The following CRADD variants were observed in gnomAD, a reference collection of about 807,000 sequenced individuals.
CRADD encodes the protein death domain-containing protein CRADD.
In CRADD, 9 loss-of-function variants were observed where a neutral mutation model predicts 15.5. That is an observed-to-expected ratio of 0.58 (90% confidence interval 0.35 to 1.01). The LOEUF (loss-of-function observed/expected upper bound fraction) is 1.01. CRADD is among the 50% of genes least tolerant of loss of function. The pLI is 0.02. For missense variants in CRADD, 227 were observed against 250.3 expected (o/e 0.91, Z 0.63); for synonymous variants, 118 against 107.6 (o/e 1.10, Z -0.60).
chr12:93,785,495 T>C (rs1338673653), intron 2 of CRADD, among the ~76,000 whole-genome samples: 8 of 152,296 alleles, frequency 5.3e-5, no homozygotes, highest in African/African-American at 1.9e-4. Context: ...GCTTCCTTTG[T>C]AGCTTCTTTT....
At chr12:93,880,362 C>A (rs1958488425) in intron 2 of CRADD, among the ~76,000 whole-genome samples, 1 of 152,028 alleles carries the variant, frequency 6.6e-6, no homozygotes, top group Non-Finnish European at 1.5e-5. Context: ...TCATTTCCAC[C>A]CCCAAAGGAA....
chr12:93,719,628 G>T (rs897619044), intron 2 of CRADD, among the ~76,000 whole-genome samples: 9 of 152,158 alleles, frequency 5.9e-5, no homozygotes, highest in Non-Finnish European at 7.4e-5. Context: ...TTTAATAGAT[G>T]CAGGCCAACT....
intron 2 of CRADD, among the ~76,000 whole-genome samples, chr12:93,748,653 A>G (rs1306050703): frequency 8.1e-6 from 1 of 124,066 alleles, no homozygotes; most frequent in Admixed American, 8.4e-5. Flanking sequence ...ATACTGGGGA[A>G]GTGATCTGCA....
At position 93,850,735 on chromosome 12, in the gene CRADD, A is replaced by G; in HGVS notation, c.*464A>G. On this transcript the variant is annotated 3_prime_UTR_variant, in exon 3 of 3. Transcript: ENST00000332896. The surrounding 1 kb of genome is among the most constrained non-coding windows in gnomAD (Gnocchi z 4.0). ...TAATAAAATGCGAATTACTATATAT[A>G]ATGTGCCTCACTCATGAGAAAGTAC... The G allele has an allele frequency of 1.0e-6, 1 of 984,366 alleles. No individual in the cohort carries two copies. The highest frequency in any genetic ancestry group is 4.7e-5 in the South Asian group (1 of 21,276). 61.0% of individuals were successfully genotyped at this position (984,366 alleles called of 1,614,324 possible). A position where few individuals can be genotyped will look rare whatever the true frequency, so the allele number is the denominator to read the frequency against.
intron 2 of CRADD, among the ~76,000 whole-genome samples, chr12:93,742,042 C>CTAA (rs897333266): frequency 3.9e-5 from 6 of 152,132 alleles, no homozygotes; most frequent in Non-Finnish European, 8.8e-5. Context: ...TGGGTCCTTG[C>CTAA]TAATGTCAGC....
chr12:93,741,025 A>G (rs1247093650), intron 2 of CRADD, among the ~76,000 whole-genome samples: 1 of 152,198 alleles, frequency 6.6e-6, no homozygotes, highest in African/African-American at 2.4e-5. Context: ...CTTTTCCTGA[A>G]GGCCAGCTAT....
intron 2 of CRADD, among the ~76,000 whole-genome samples, chr12:93,731,573 C>A (rs1007504975): frequency 1.3e-5 from 2 of 152,192 alleles, no homozygotes; most frequent in African/African-American, 4.8e-5. Flanking sequence ...GTTATGTATC[C>A]TTCTCCATAG....
chr12:93,812,752 A>T (rs895180341), intron 2 of CRADD, among the ~76,000 whole-genome samples: 2 of 152,232 alleles, frequency 1.3e-5, no homozygotes, highest in African/African-American at 4.8e-5. Flanking sequence ...TTTGTTGCCA[A>T]ATCCAAGGAA....
intron 2 of CRADD, among the ~76,000 whole-genome samples, chr12:93,761,955 G>C (rs550083861): frequency 2.6e-5 from 4 of 152,302 alleles, no homozygotes; most frequent in Admixed American, 2.6e-4. Flanking sequence ...CAAAGGATGA[G>C]CTTTGCTTTC....
intron 2 of CRADD, among the ~76,000 whole-genome samples, chr12:93,871,678 G>C (rs1282838648): frequency 1.3e-5 from 2 of 152,156 alleles, no homozygotes. Flanking sequence ...TTGTCTTCCT[G>C]TGTCTGGCTT....
intron 2 of CRADD, among the ~76,000 whole-genome samples, chr12:93,838,562 CTCTT>C (rs1314672137): frequency 3.6e-5 from 5 of 139,916 alleles, no homozygotes; most frequent in African/African-American, 8.6e-5. Flanking sequence ...CTCTTTCTCT[CTCTT>C]TTTTTTTTTT....
chr12:93,792,103 A>G (rs1175828143), intron 2 of CRADD, among the ~76,000 whole-genome samples: 3 of 152,188 alleles, frequency 2.0e-5, no homozygotes, highest in Non-Finnish European at 4.4e-5. Flanking sequence ...TACATTTTAT[A>G]AAAGCATTTT....
rs543595146 is a variant in CRADD, at chr12:93,806,073, C to T, written c.299-43897C>T. On this transcript the variant is annotated intron_variant, in intron 2 of 2. Coordinates refer to ENST00000332896, the MANE Select transcript of CRADD (RefSeq NM_003805.5). ...GGTATTTCAATATGTTTCTTTGCCTCGGGAAATTTAACAGGTACACCTGTT... is the reference window on the plus strand; with the variant it reads ...GGTATTTCAATATGTTTCTTTGCCTTGGGAAATTTAACAGGTACACCTGTT... 1.1e-3 allele frequency among the ~76,000 whole-genome samples: 173 copies of T among 152,152 alleles called. 2 individuals carry two copies. Among genetic ancestry groups the T allele is most frequent in the Admixed American group, 2.7e-3 (41 of 15,246 alleles).
At chr12:93,881,589 A>G (rs1043594847) in intron 2 of CRADD, among the ~76,000 whole-genome samples, 32 of 152,288 alleles carry the variant, frequency 2.1e-4, no homozygotes, top group Middle Eastern at 3.4e-3. Flanking sequence ...CACTCCACAT[A>G]TGCAGTTACA....
intron 2 of CRADD, among the ~76,000 whole-genome samples, chr12:93,727,677 C>T (rs553222241): frequency 3.5e-4 from 54 of 152,230 alleles, no homozygotes; most frequent in South Asian, 4.2e-4. Flanking sequence ...AAATGTGGCT[C>T]GGTGACCCAC....
intron 2 of CRADD, among the ~76,000 whole-genome samples, chr12:93,755,237 A>C (rs763487972): frequency 6.6e-6 from 1 of 152,156 alleles, no homozygotes; most frequent in African/African-American, 2.4e-5. Context: ...GCTACAATTC[A>C]AGATGATATT....
intron 2 of CRADD, among the ~76,000 whole-genome samples, chr12:93,861,236 T>C (rs1215878013): frequency 6.6e-6 from 1 of 152,160 alleles, no homozygotes; most frequent in African/African-American, 2.4e-5. Flanking sequence ...AGTACTGACA[T>C]GATGGCTTTG....
rs1956619786 is a variant in CRADD, at chr12:93,738,525, T to G, written c.298+59453T>G. On this transcript the variant is annotated intron_variant, in intron 2 of 2. Coordinates refer to ENST00000332896, the MANE Select transcript of CRADD (RefSeq NM_003805.5). ...CAGCAACACTGACCAAAGCAAATCC[T>G]TCTCTTGGAAGAAACAAACTCATTC... 6.7e-5 allele frequency: 47 copies of G among 699,428 alleles called. 1 individual carries two copies. The South Asian group carries it at 6.8e-4, about 10-fold the overall frequency. The allele number at this position is 699,428 out of a possible 1,614,324, so 43.3% of individuals were successfully genotyped here.
intron 2 of CRADD, among the ~76,000 whole-genome samples, chr12:93,860,724 A>G (rs567959413): frequency 1.3e-5 from 2 of 152,336 alleles, no homozygotes; most frequent in Non-Finnish European, 2.9e-5. Context: ...GGACATTTAC[A>G]TGAGTCACCT....
Sources: allele counts gnomAD v4.1 joint callset (sites outside exome capture counted in the v4.1 genomes callset), GRCh38; gene constraint gnomAD v4.1.1; non-coding constraint Gnocchi (gnomAD v3.1); transcripts MANE v1.5; gene names NCBI Gene and HGNC (gene_info 2026-07-23, HGNC 2026-07-21).